The following ADAMTSL1 variants were observed in gnomAD, a reference collection of about 807,000 sequenced individuals.
The protein encoded by ADAMTSL1 is ADAMTS like 1, also known as ADAMTS-like protein 1.
ADAMTSL1 carries 126 observed loss-of-function variants against 201.8 expected under a neutral mutation model. That is an observed-to-expected ratio of 0.62 (90% CI 0.54 to 0.72). The LOEUF is 0.72. Ranked by LOEUF, ADAMTSL1 falls within the 30% of genes least tolerant of loss-of-function variation. ADAMTSL1 has a pLI of 0.00. For missense variants in ADAMTSL1, 2,679 were observed against 2,277.8 expected (o/e 1.18, Z -3.59); for synonymous variants, 1,121 against 903.4 (o/e 1.24, Z -4.32).
rs563189491 is a variant in ADAMTSL1, at chr9:17,989,213, G to A, written c.87+82291G>A. On this transcript the variant is annotated intron_variant, in intron 1 of 29. Transcript: ENST00000680146. ...AAGCTCATCTACCGAGACAGTCCTT[G>A]ATAACTCCTTTAGGCACTTACAAAT... Among the ~76,000 whole-genome samples the A allele has an allele frequency of 1.3e-3, 202 of 151,916 alleles. No homozygotes were observed. In the Middle Eastern group the frequency reaches 0.014, roughly 10 times the overall value.
intron 1 of ADAMTSL1, among the ~76,000 whole-genome samples, chr9:18,495,949 A>G (rs1286270369): frequency 6.6e-6 from 1 of 152,196 alleles, no homozygotes; most frequent in Non-Finnish European, 1.5e-5. Flanking sequence ...TTTAAAATAA[A>G]ACGTATTTCC....
intron 11 of ADAMTSL1, 178 bp downstream of exon 11, chr9:18,680,694 T>A (rs1472195274): frequency 3.1e-6 from 2 of 639,268 alleles, no homozygotes; most frequent in African/African-American, 1.8e-5. Context: ...AAGTAAATGA[T>A]GTTTTTTTAA....
chr9:18,438,398 A>C (rs1324385388), intron 2 of ADAMTSL1, among the ~76,000 whole-genome samples: 1 of 151,960 alleles, frequency 6.6e-6, no homozygotes, highest in Admixed American at 6.6e-5. Context: ...TTTGCTAGGA[A>C]CCCAACACCG....
chr9:17,939,121 T>A (rs1827129116), intron 1 of ADAMTSL1, among the ~76,000 whole-genome samples: 1 of 152,130 alleles, frequency 6.6e-6, no homozygotes, highest in South Asian at 2.1e-4. Context: ...CATAGCTTAT[T>A]TATACAGTTT....
chr9:18,052,092 C>A (rs1369110730), intron 1 of ADAMTSL1, among the ~76,000 whole-genome samples: 3 of 152,194 alleles, frequency 2.0e-5, no homozygotes, highest in Non-Finnish European at 4.4e-5. Flanking sequence ...AGTGCAAGTG[C>A]AGAAGGGTCC....
intron 10 of ADAMTSL1, among the ~76,000 whole-genome samples, chr9:18,677,865 C>T (rs1182178854): frequency 6.6e-6 from 1 of 151,880 alleles, no homozygotes; most frequent in African/African-American, 2.4e-5. Context: ...GATAGATATT[C>T]AGCTTTATTG....
chr9:17,997,271 A>C (rs1436431493), intron 1 of ADAMTSL1, among the ~76,000 whole-genome samples: 2 of 152,098 alleles, frequency 1.3e-5, no homozygotes, highest in African/African-American at 4.8e-5. Context: ...TCTTTCTTTC[A>C]TTTAATTGAT....
At chr9:18,907,584 A>T (rs1407294941) in intron 28 of ADAMTSL1, 1 of 152,358 alleles carries the variant, frequency 6.6e-6, no homozygotes, top group Non-Finnish European at 1.5e-5. Context: ...GTAGGAAGTA[A>T]AAACCAAATG....
intron 2 of ADAMTSL1, among the ~76,000 whole-genome samples, chr9:18,271,257 G>C (rs1371076270): frequency 6.6e-6 from 1 of 152,094 alleles, no homozygotes; most frequent in East Asian, 1.9e-4. Context: ...ATGTATACAT[G>C]TGCCATGTTG....
At chr9:18,490,040 T>A (rs1437046126) in intron 1 of ADAMTSL1, among the ~76,000 whole-genome samples, 1 of 152,256 alleles carries the variant, frequency 6.6e-6, no homozygotes, top group Non-Finnish European at 1.5e-5. Context: ...TGTCTCCAGC[T>A]GTCTGGAGTC....
At chr9:18,603,731 A>G (rs1260476455) in intron 4 of ADAMTSL1, among the ~76,000 whole-genome samples, 2 of 152,214 alleles carry the variant, frequency 1.3e-5, no homozygotes, top group African/African-American at 2.4e-5. Context: ...AGATTTTACC[A>G]TTTGAACCCT....
At chr9:18,651,662 A>C (rs758777193) in intron 7 of ADAMTSL1, among the ~76,000 whole-genome samples, 4 of 152,206 alleles carry the variant, frequency 2.6e-5, no homozygotes, top group African/African-American at 9.6e-5. Flanking sequence ...GAGTGGCATC[A>C]TTCCAATTGT....
intron 1 of ADAMTSL1, among the ~76,000 whole-genome samples, chr9:18,489,808 T>C (rs1322505784): frequency 6.6e-6 from 1 of 152,212 alleles, no homozygotes; most frequent in African/African-American, 2.4e-5. Flanking sequence ...ACCACTTATT[T>C]AATTAGACAT....
intron 5 of ADAMTSL1, among the ~76,000 whole-genome samples, chr9:18,628,273 G>A (rs535326467): frequency 3.1e-4 from 47 of 152,244 alleles, no homozygotes; most frequent in African/African-American, 1.1e-3. Flanking sequence ...TAAGGTGTAA[G>A]TTTGATAGGT....
chr9:18,635,437 T>C (rs1228927721), intron 5 of ADAMTSL1, among the ~76,000 whole-genome samples: 2 of 152,092 alleles, frequency 1.3e-5, no homozygotes, highest in Admixed American at 1.3e-4. Flanking sequence ...TAGGAATAGA[T>C]ATTGTGAAGG....
intron 3 of ADAMTSL1, among the ~76,000 whole-genome samples, chr9:18,565,309 G>A (rs1253824960): frequency 6.6e-6 from 1 of 152,080 alleles, no homozygotes; most frequent in Non-Finnish European, 1.5e-5. Flanking sequence ...TTATTTTCAA[G>A]GTCATAGAGT....
chr9:18,810,537 G>A (rs896365807), intron 20 of ADAMTSL1, among the ~76,000 whole-genome samples: 1 of 152,178 alleles, frequency 6.6e-6, no homozygotes, highest in Non-Finnish European at 1.5e-5. Context: ...TGAAAGCAGA[G>A]AAGAGTGAAT....
chr9:18,190,043 A>G (rs943492651), intron 2 of ADAMTSL1, among the ~76,000 whole-genome samples: 2 of 152,198 alleles, frequency 1.3e-5, no homozygotes, highest in South Asian at 2.1e-4. Context: ...TCAGGTTTCA[A>G]ATGAAATGTA....
chr9:18,877,275 C>G (rs1020175956), intron 23 of ADAMTSL1, among the ~76,000 whole-genome samples: 4 of 152,102 alleles, frequency 2.6e-5, no homozygotes, highest in African/African-American at 9.7e-5. Flanking sequence ...TGGAGGCGTT[C>G]CTGGTGAGCC....
Sources: gnomAD v4.1 joint callset for allele counts (sites outside exome capture counted in the v4.1 genomes callset) on GRCh38, gnomAD v4.1.1 for gene constraint, MANE v1.5 for transcripts, NCBI Gene and HGNC (gene_info 2026-07-23, HGNC 2026-07-21) for gene names.